The following GAREM1 variants were observed in gnomAD, a reference collection of about 807,000 sequenced individuals.
GAREM1 encodes the protein GRB2 associated regulator of MAPK1 subtype 1.
GAREM1 carries 26 observed loss-of-function variants against 71.3 expected under a neutral mutation model. That is an observed-to-expected ratio of 0.36 (90% CI 0.27 to 0.51). The LOEUF (loss-of-function observed/expected upper bound fraction) is 0.51, where lower values mean the gene tolerates loss of function less well. Among genes scored for constraint, GAREM1 ranks in the 20% least tolerant of loss-of-function variants. The pLI is 0.95. For missense variants in GAREM1, 1,026 were observed against 1,103.1 expected (o/e 0.93, Z 0.99); for synonymous variants, 440 against 433.2 (o/e 1.02, Z -0.20).
intron 1 of GAREM1, among the ~76,000 whole-genome samples, chr18:32,450,193 T>C (rs2048822431): frequency 6.6e-6 from 1 of 152,224 alleles, no homozygotes; most frequent in Non-Finnish European, 1.5e-5. Flanking sequence ...AATCAACTTA[T>C]AACTGATCTT....
chr18:32,420,080 G>T (rs2144695356), intron 1 of GAREM1, among the ~76,000 whole-genome samples: 1 of 152,254 alleles, frequency 6.6e-6, no homozygotes, highest in South Asian at 2.1e-4. Flanking sequence ...AAATTTAATT[G>T]AGAAATGAAT....
intron 1 of GAREM1, among the ~76,000 whole-genome samples, chr18:32,426,825 C>T (rs897797494): frequency 6.6e-6 from 1 of 152,108 alleles, no homozygotes; most frequent in Non-Finnish European, 1.5e-5. Context: ...CAGGTGGCTG[C>T]TCTATATCTT....
At chr18:32,323,725 A>C (rs1309533063) in intron 2 of GAREM1, among the ~76,000 whole-genome samples, 1 of 152,190 alleles carries the variant, frequency 6.6e-6, no homozygotes, top group Non-Finnish European at 1.5e-5. Context: ...ACAAATAAAT[A>C]ATCAATCAAG....
intron 1 of GAREM1, among the ~76,000 whole-genome samples, chr18:32,449,725 G>T (rs1380550898): frequency 1.3e-4 from 20 of 152,182 alleles, no homozygotes; most frequent in Admixed American, 1.2e-3. Context: ...TTCATCTTCT[G>T]TGAAGACCAG....
intron 4 of GAREM1, among the ~76,000 whole-genome samples, chr18:32,286,803 A>C (rs2047022478): frequency 6.6e-6 from 1 of 152,138 alleles, no homozygotes; most frequent in African/African-American, 2.4e-5. Context: ...GTCATGTTTA[A>C]AACTCTCCTG....
Position 32,270,174 on chromosome 18 carries a change from A to G in GAREM1, c.1733+43T>C, listed in dbSNP as rs368185459. ...CTTTCAAGAACCCATGAACTGGTGG[A>G]TGAGAAGATAAGCGTGCAGTGGGAC... On this transcript the variant is annotated intron_variant, in intron 5 of 5. Coordinates refer to ENST00000269209, the MANE Select transcript of GAREM1 (RefSeq NM_001242409.2). 4.4e-6 allele frequency: 7 copies of G among 1,599,358 alleles called. No individual in the cohort carries two copies. The African/African-American group carries it at 9.4e-5, about 21-fold the overall frequency.
intron 4 of GAREM1, among the ~76,000 whole-genome samples, chr18:32,279,078 C>T (rs1255103337): frequency 6.6e-6 from 1 of 152,114 alleles, no homozygotes; most frequent in Non-Finnish European, 1.5e-5. Context: ...AAGTATATGC[C>T]ATTGAGGAGT....
chr18:32,456,342 G>C (rs1208674506), intron 1 of GAREM1, among the ~76,000 whole-genome samples: 1 of 152,032 alleles, frequency 6.6e-6, no homozygotes, highest in Non-Finnish European at 1.5e-5. Flanking sequence ...TAAAAAGAGA[G>C]CCCTCAGAAT....
chr18:32,449,043 T>G (rs2048809303), intron 1 of GAREM1, among the ~76,000 whole-genome samples: 2 of 152,206 alleles, frequency 1.3e-5, no homozygotes, highest in Admixed American at 1.3e-4. Context: ...GGTCTGAGAA[T>G]TAGGAAAGGC....
intron 1 of GAREM1, among the ~76,000 whole-genome samples, chr18:32,411,944 C>CAA (rs949831218): frequency 1.4e-5 from 2 of 141,334 alleles, no homozygotes; most frequent in African/African-American, 5.2e-5. Context: ...AGCATGGGTG[C>CAA]AAAAAAAAAA....
At chr18:32,453,279 C>A (rs1294218146) in intron 1 of GAREM1, among the ~76,000 whole-genome samples, 1 of 152,112 alleles carries the variant, frequency 6.6e-6, no homozygotes, top group Non-Finnish European at 1.5e-5. Flanking sequence ...TGGGCCCCTC[C>A]CATAACATGT....
chr18:32,305,247 C>T (rs1258329935), intron 3 of GAREM1, among the ~76,000 whole-genome samples: 1 of 152,044 alleles, frequency 6.6e-6, no homozygotes, highest in Non-Finnish European at 1.5e-5. Context: ...GGTAACCTGC[C>T]CACATATCCT....
At chr18:32,411,426 C>T (rs538386627) in intron 1 of GAREM1, among the ~76,000 whole-genome samples, 1 of 151,806 alleles carries the variant, frequency 6.6e-6, no homozygotes, top group Non-Finnish European at 1.5e-5. Context: ...ACAAAAGAAT[C>T]AAATTATAAA....
chr18:32,354,156 C>T (rs535718142), intron 2 of GAREM1, among the ~76,000 whole-genome samples: 13 of 152,058 alleles, frequency 8.5e-5, no homozygotes, highest in Non-Finnish European at 1.8e-4. Context: ...TTATCTGTTC[C>T]TCATTTATAT....
intron 2 of GAREM1, among the ~76,000 whole-genome samples, chr18:32,350,402 G>A (rs1398450025): frequency 1.3e-5 from 2 of 152,104 alleles, no homozygotes; most frequent in Non-Finnish European, 2.9e-5. Flanking sequence ...GTATCCAACT[G>A]AAGGATTTTT....
chr18:32,380,050 C>T (rs898379583), intron 2 of GAREM1, among the ~76,000 whole-genome samples: 3 of 152,104 alleles, frequency 2.0e-5, no homozygotes, highest in African/African-American at 4.8e-5. Context: ...CTCCATTGCT[C>T]CCCCCTGAAT....
intron 1 of GAREM1, among the ~76,000 whole-genome samples, chr18:32,437,133 A>T (rs1054307285): frequency 2.6e-5 from 4 of 152,232 alleles, no homozygotes; most frequent in Non-Finnish European, 5.9e-5. Context: ...ATGGGCAACT[A>T]GCAAGTATAA....
At chr18:32,322,385 G>A (rs975685565) in intron 2 of GAREM1, among the ~76,000 whole-genome samples, 12 of 152,036 alleles carry the variant, frequency 7.9e-5, no homozygotes, top group African/African-American at 2.7e-4. Flanking sequence ...CATCCACAGC[G>A]GACTATAGAA....
intron 2 of GAREM1, among the ~76,000 whole-genome samples, chr18:32,339,450 T>C (rs1040740587): frequency 6.6e-6 from 1 of 152,134 alleles, no homozygotes; most frequent in African/African-American, 2.4e-5. Context: ...CTTCTGAATA[T>C]AAAAAAGCAC....
Sources: allele counts gnomAD v4.1 joint callset (sites outside exome capture counted in the v4.1 genomes callset), GRCh38; gene constraint gnomAD v4.1.1; transcripts MANE v1.5; gene names NCBI Gene and HGNC (gene_info 2026-07-23, HGNC 2026-07-21).